The following HOOK1 variants were observed in gnomAD, a reference collection of about 807,000 sequenced individuals.
HOOK1 encodes the protein hook microtubule tethering protein 1.
Under a neutral mutation model 112.8 loss-of-function variants are expected in HOOK1, and 60 were observed. That is an observed-to-expected ratio of 0.53 (90% confidence interval 0.43 to 0.66). HOOK1 has a LOEUF of 0.66. HOOK1 is among the 30% of genes least tolerant of loss of function. The pLI, the probability that HOOK1 is intolerant of heterozygous loss-of-function variation, is 0.00. For synonymous variants in HOOK1, 294 were observed against 283.8 expected (o/e 1.04, Z -0.36); for missense variants, 770 against 856.0 (o/e 0.90, Z 1.25).
At chr1:59,831,248 A>G (rs1297755057) in intron 3 of HOOK1, among the ~76,000 whole-genome samples, 1 of 152,094 alleles carries the variant, frequency 6.6e-6, no homozygotes, top group Non-Finnish European at 1.5e-5. Context: ...TTAAAGGCCT[A>G]TTTTTGGCTA....
intron 3 of HOOK1, 42 bp downstream of exon 3, chr1:59,828,894 G>T (rs2098391864): frequency 2.0e-6 from 3 of 1,471,980 alleles, no homozygotes; most frequent in Non-Finnish European, 2.8e-6. Flanking sequence ...CCAAACAGTG[G>T]TCCTAAAGTT....
chr1:59,875,392 A>T lies in HOOK1; in HGVS notation c.*2427A>T, dbSNP rs1644116874. ...TAAGTATTTATATAAGACTAATGTA[A>T]TTTAAAGTTCTGTATTATTGTGATT... is the stretch of plus-strand genomic sequence containing the variant. On this transcript the variant is annotated 3_prime_UTR_variant, in exon 22 of 22. Transcript: ENST00000371208. 6.6e-6 allele frequency: 1 copy of T among 152,622 alleles called. No individual in the cohort carries two copies. Among genetic ancestry groups the T allele is most frequent in the Non-Finnish European group, 1.5e-5 (1 of 67,988 alleles). The allele number at this position is 152,622 out of a possible 1,614,324, so 9.5% of individuals were successfully genotyped here.
intron 15 of HOOK1, among the ~76,000 whole-genome samples, chr1:59,860,867 G>A (rs777661863): frequency 4.0e-5 from 6 of 151,316 alleles, no homozygotes; most frequent in Non-Finnish European, 7.4e-5. Flanking sequence ...TCCGCCTCAC[G>A]GGTTCAAGCG....
At chr1:59,816,850 G>A (rs1355596189) in intron 1 of HOOK1, among the ~76,000 whole-genome samples, 2 of 152,184 alleles carry the variant, frequency 1.3e-5, no homozygotes, top group East Asian at 1.9e-4. Context: ...TTGAATGACC[G>A]TGCAAACTGT....
rs1231877898 is a variant in HOOK1 at position 59,848,514 on chromosome 1, C to G, written c.1129C>G (p.Gln377Glu). The change falls in exon 11 of 22, where the codon CAG becomes GAG. Residue 377 changes from glutamine to glutamate, a missense_variant and splice_region_variant. Gln to Glu is a conservative substitution (Grantham distance 29). This residue lies in a region of HOOK1 where 655 missense variants were observed against 725.9 expected (regional missense o/e 0.90). Coordinates refer to ENST00000371208, the MANE Select transcript of HOOK1 (RefSeq NM_015888.6). ...TACACAATTAGAAACATACAAAAGG[C>G]AGGTAAGAAACATCTTAATTTTTAA... The part of the protein sequence containing the change: ...ARTQLETYKR[Q>E]VQDLHVKLSS... 1 of 1,598,224 alleles carries G rather than the reference C, an allele frequency of 6.3e-7. No individual in the cohort carries two copies. Among genetic ancestry groups the G allele is most frequent in the South Asian group, 1.1e-5 (1 of 89,368 alleles).
At chr1:59,871,000 G>T (rs1264150459) in intron 20 of HOOK1, 42 bp from the exon 21 acceptor site, 5 of 1,246,844 alleles carry the variant, frequency 4.0e-6, no homozygotes, top group East Asian at 4.6e-5. Context: ...GTAATTTGGG[G>T]TAATTTCTGG....
At chr1:59,834,656 T>A (rs2098396293) in intron 5 of HOOK1, among the ~76,000 whole-genome samples, 1 of 152,074 alleles carries the variant, frequency 6.6e-6, no homozygotes, top group South Asian at 2.1e-4. Flanking sequence ...ATCTAGTAAT[T>A]TTTTGTTGTA....
chr1:59,832,322 T>C (rs1402814065), intron 4 of HOOK1, 109 bp downstream of exon 4: 1 of 669,928 alleles, frequency 1.5e-6, no homozygotes, highest in Non-Finnish European at 2.6e-6. Context: ...GGAATGTAAG[T>C]CATAATTAGA....
At chr1:59,870,213 T>G (rs137866405) in intron 20 of HOOK1, among the ~76,000 whole-genome samples, 1 of 152,304 alleles carries the variant, frequency 6.6e-6, no homozygotes, top group East Asian at 1.9e-4. Flanking sequence ...CCAACAGATA[T>G]GATGAGAAAA....
chr1:59,866,264 A>G (rs1643961699), intron 19 of HOOK1, among the ~76,000 whole-genome samples: 1 of 152,206 alleles, frequency 6.6e-6, no homozygotes, highest in South Asian at 2.1e-4. Flanking sequence ...TCTTGGCAAA[A>G]TAAGCCCAGA....
At chr1:59,860,095 C>CTAA in intron 14 of HOOK1, 93 bp from the exon 15 acceptor site, 1 of 848,210 alleles carries the variant, frequency 1.2e-6, no homozygotes, top group South Asian at 2.4e-5. Flanking sequence ...AAAATGGTAG[C>CTAA]TATTGAGTGG....
At chr1:59,870,426 C>G (rs1432583538) in intron 20 of HOOK1, among the ~76,000 whole-genome samples, 1 of 152,174 alleles carries the variant, frequency 6.6e-6, no homozygotes, top group Non-Finnish European at 1.5e-5. Flanking sequence ...AAGGGCATCA[C>G]CTCTCTTTTG....
rs1273163161 is a variant in HOOK1 at position 59,874,931 on chromosome 1, A to G, written c.*1966A>G. 1 of 152,450 alleles carries G rather than the reference A, an allele frequency of 6.6e-6. No individual in the cohort carries two copies. The highest frequency in any genetic ancestry group is 1.5e-5 in the Non-Finnish European group (1 of 67,966). The allele number at this position is 152,450 out of a possible 1,614,324, so 9.4% of individuals were successfully genotyped here. A position where few individuals can be genotyped will look rare whatever the true frequency, so the allele number is the denominator to read the frequency against. The stretch of plus-strand genomic sequence containing the variant: ...TCTATCAGGGTTACTTCTGTTGACT[A>G]CCTCTTAGATTTTGATACAGTTATA... On this transcript the variant is annotated 3_prime_UTR_variant, in exon 22 of 22. Coordinates refer to ENST00000371208, the MANE Select transcript of HOOK1 (RefSeq NM_015888.6).
intron 4 of HOOK1, among the ~76,000 whole-genome samples, chr1:59,833,135 C>T (rs2098395221): frequency 6.6e-6 from 1 of 152,006 alleles, no homozygotes; most frequent in African/African-American, 2.4e-5. Flanking sequence ...AGGCCAAGTG[C>T]TTCTTAAGTT....
At chr1:59,825,230 G>A (rs932750521) in intron 2 of HOOK1, among the ~76,000 whole-genome samples, 3 of 152,198 alleles carry the variant, frequency 2.0e-5, no homozygotes, top group Non-Finnish European at 2.9e-5. Context: ...CACACTCACA[G>A]GGGATAGGAC....
intron 8 of HOOK1, among the ~76,000 whole-genome samples, chr1:59,842,286 G>T (rs2098401431): frequency 6.6e-6 from 1 of 151,700 alleles, no homozygotes; most frequent in Non-Finnish European, 1.5e-5. Flanking sequence ...TTACATAATT[G>T]TTTACATTTC....
At chr1:59,832,031 T>C in intron 3 of HOOK1, 132 bp from the exon 4 acceptor site, 2 of 504,672 alleles carry the variant, frequency 4.0e-6, no homozygotes, top group South Asian at 6.7e-5. Flanking sequence ...TGTGTTTGTA[T>C]TTATAGAACT....
chr1:59,827,098 T>A (rs1005552451), intron 2 of HOOK1, among the ~76,000 whole-genome samples: 1 of 151,966 alleles, frequency 6.6e-6, no homozygotes, highest in African/African-American at 2.4e-5. Flanking sequence ...GCTCATGTGA[T>A]TGTGGAGGAT....
Position 59,872,915 on chromosome 1 carries a change from A to C in HOOK1, c.2137A>C (p.Asn713His). 2.0e-6 allele frequency: 3 copies of C among 1,525,232 alleles called. No individual in the cohort carries two copies. Among genetic ancestry groups the C allele is most frequent in the Non-Finnish European group, 1.8e-6 (2 of 1,128,684 alleles). 94.5% of individuals were successfully genotyped at this position (1,525,232 alleles called of 1,614,324 possible). Residue 713 changes from asparagine (N) to histidine (H), a missense_variant, in exon 22 of 22, where the codon AAC becomes CAC. Asn to His is a moderately conservative substitution (Grantham distance 68). Around this residue, in one of 3 missense-constraint regions of HOOK1, gnomAD observed 111 missense variants for 111.8 expected, o/e 0.99. Coordinates refer to ENST00000371208, the MANE Select transcript of HOOK1 (RefSeq NM_015888.6). ...CTTAGCGCAGCAACGGCACATCACC[A>C]ACACCAGAAGAAATCTCTCTGTTAA... Reference protein sequence around the residue: ...SFLAQQRHITNTRRNLSVKVP... With the variant: ...SFLAQQRHITHTRRNLSVKVP...
Sources: allele counts gnomAD v4.1 joint callset (sites outside exome capture counted in the v4.1 genomes callset), GRCh38; gene constraint gnomAD v4.1.1; regional missense constraint gnomAD v4.1.1; transcripts MANE v1.5; gene names NCBI Gene and HGNC (gene_info 2026-07-23, HGNC 2026-07-21).